Variants in SWI5 observed in about 807,000 individuals in gnomAD.
SWI5 encodes the protein SWI5 homologous recombination repair protein.
SWI5 carries 12 observed loss-of-function variants against 17.0 expected under a neutral mutation model. That is an observed-to-expected ratio of 0.71 (90% CI 0.45 to 1.14). SWI5 has a LOEUF of 1.14. Among genes scored for constraint, SWI5 ranks in the 50% most tolerant of loss-of-function variants. The pLI is 0.00. For missense variants in SWI5, 158 were observed against 162.2 expected (o/e 0.97, Z 0.14); for synonymous variants, 61 against 64.0 (o/e 0.95, Z 0.22).
At chr9:128,275,639 G>A (rs887876535), upstream of SWI5, 3 of 686,812 alleles carry the variant, frequency 4.4e-6, no homozygotes, top group African/African-American at 1.9e-5. Context: ...CGGGGGGCAG[G>A]AGGTGAGGGC....
intron 2 of SWI5, among the ~76,000 whole-genome samples, chr9:128,277,165 TC>T (rs1468104771): frequency 6.6e-6 from 1 of 152,126 alleles, no homozygotes; most frequent in African/African-American, 2.4e-5. Flanking sequence ...TAATAGTCTC[TC>T]CTCTTCGCTG....
At chr9:128,281,076 C>T (rs1282479132) in intron 2 of SWI5, among the ~76,000 whole-genome samples, 1 of 116,800 alleles carries the variant, frequency 8.6e-6, no homozygotes, top group Non-Finnish European at 1.6e-5. Flanking sequence ...CTCGCTCTGT[C>T]ACCCAGGCTG....
chr9:128,276,769 C>A lies in SWI5; in HGVS notation c.111+14C>A. 6.3e-7 allele frequency: 1 copy of A among 1,599,658 alleles called. No homozygotes were observed. Among genetic ancestry groups the A allele is most frequent in the East Asian group, 2.2e-5 (1 of 44,482 alleles). ...TTCCGATCCCCTGTGAGTATTTCTT[C>A]CCCCACACCCCCTTTCCCATCCTCG... On this transcript the variant is annotated intron_variant, in intron 2 of 4. Coordinates refer to ENST00000418976, the Ensembl canonical transcript of SWI5.
chr9:128,276,050 T>C, upstream of SWI5: 1 of 1,588,986 alleles, frequency 6.3e-7, no homozygotes, highest in South Asian at 1.1e-5. Context: ...AGAGGAGGCG[T>C]AACCAGGGCG....
At chr9:128,276,338 G>T (rs540264998) in exon 1 of SWI5, 1 of 1,613,146 alleles carries the variant, frequency 6.2e-7, no homozygotes, top group Non-Finnish European at 8.5e-7. Flanking sequence ...TCCGACTCCC[G>T]CGCTGGACCC....
At chr9:128,286,097 T>G in intron 4 of SWI5, 64 bp downstream of exon 4, 2 of 1,296,026 alleles carry the variant, frequency 1.5e-6, no homozygotes, top group Non-Finnish European at 2.2e-6. Context: ...CCTAGGGGTG[T>G]TGGGTTTTGC....
rs557112997 is a variant in SWI5, at chr9:128,279,586, C to T, written c.111+2831C>T. On this transcript the variant is annotated intron_variant, in intron 2 of 4. Coordinates refer to ENST00000418976, the Ensembl canonical transcript of SWI5. ...ATCAGAAAGATCAAAGACTTTAAGA[C>T]TTTCACTGTTTCTTCTACCACTATC... is the stretch of plus-strand genomic sequence containing the variant. Among the ~76,000 whole-genome samples, 6 of 152,360 alleles carry T rather than the reference C, an allele frequency of 3.9e-5. No homozygotes were observed. In the East Asian group the frequency reaches 9.6e-4, roughly 24 times the overall value.
chr9:128,287,341 A>T (rs1255937007), intron 4 of SWI5, among the ~76,000 whole-genome samples: 3 of 147,782 alleles, frequency 2.0e-5, no homozygotes, highest in South Asian at 4.4e-4. Context: ...GCTACTCAGG[A>T]GGCTGAGGCA....
upstream of SWI5, chr9:128,275,794 G>A: frequency 1.5e-6 from 1 of 678,772 alleles, no homozygotes; most frequent in Non-Finnish European, 2.5e-6. Flanking sequence ...GGGGAGCCCA[G>A]CCCGGTGTGC....
At chr9:128,275,625 A>C, upstream of SWI5, 2 of 691,470 alleles carry the variant, frequency 2.9e-6, no homozygotes, top group Non-Finnish European at 4.5e-6. Flanking sequence ...GGGAGGTCGG[A>C]CTTCGGGGGG....
intron 3 of SWI5, 22 bp downstream of exon 3, chr9:128,284,653 A>G (rs763222658): frequency 6.2e-7 from 1 of 1,611,080 alleles, no homozygotes; most frequent in Non-Finnish European, 8.5e-7. Flanking sequence ...TGGGTTCCCC[A>G]TCATGGTTAA....
rs985969700 is a variant in SWI5, at chr9:128,285,096, G to A, written c.233+465G>A. On this transcript the variant is annotated intron_variant, in intron 3 of 4. Transcript: ENST00000418976. This position sits in a 1 kb window ranked among gnomAD's most constrained non-coding sequence, Gnocchi z 4.8. The stretch of plus-strand genomic sequence containing the variant: ...GCAGGAGAATCGCTTGAACCTGGCA[G>A]GCAGAGGTTGCAGTGAGGCGAGATC... Among the ~76,000 whole-genome samples the A allele has an allele frequency of 6.6e-6, 1 of 152,126 alleles. No homozygotes were observed. Among genetic ancestry groups the A allele is most frequent in the African/African-American group, 2.4e-5 (1 of 41,406 alleles).
upstream of SWI5, chr9:128,276,159 G>C (rs750693445): frequency 6.4e-7 from 1 of 1,570,826 alleles, no homozygotes; most frequent in Non-Finnish European, 8.6e-7. Context: ...CAGCGGCGTG[G>C]CCAGAGGGAC....
At chr9:128,277,024 A>G (rs1230299414) in intron 2 of SWI5, among the ~76,000 whole-genome samples, 1 of 150,166 alleles carries the variant, frequency 6.7e-6, no homozygotes, top group East Asian at 2.0e-4. Flanking sequence ...GATGCCTTTC[A>G]CTCCAGTCCA....
chr9:128,279,188 C>G (rs543992022), intron 2 of SWI5, among the ~76,000 whole-genome samples: 42 of 152,308 alleles, frequency 2.8e-4, no homozygotes, highest in African/African-American at 9.6e-4. Flanking sequence ...TCCTTTGCTT[C>G]CTGCCACTCC....
At chr9:128,277,018 C>G (rs1461054602) in intron 2 of SWI5, among the ~76,000 whole-genome samples, 1 of 152,110 alleles carries the variant, frequency 6.6e-6, no homozygotes, top group African/African-American at 2.4e-5. Context: ...TCCTCAGATG[C>G]CTTTCACTCC....
chr9:128,275,404 C>A, upstream of SWI5: 1 of 1,287,744 alleles, frequency 7.8e-7, no homozygotes, highest in Non-Finnish European at 9.9e-7. Context: ...GTCGCCGCTC[C>A]GCGATGGGGG....
chr9:128,283,329 A>C (rs1273823052), intron 2 of SWI5, among the ~76,000 whole-genome samples: 1 of 152,090 alleles, frequency 6.6e-6, no homozygotes, highest in East Asian at 1.9e-4. Context: ...TTTTAAAAAA[A>C]AGTACAAAAA....
chr9:128,287,845 GC>G, intron 4 of SWI5, among the ~76,000 whole-genome samples: 1 of 151,630 alleles, frequency 6.6e-6, no homozygotes, highest in East Asian at 1.9e-4. Flanking sequence ...TATAGGCTGA[GC>G]CACCGCACCT....
Sources: gnomAD v4.1 joint callset for allele counts (sites outside exome capture counted in the v4.1 genomes callset) on GRCh38, gnomAD v4.1.1 for gene constraint, Gnocchi (gnomAD v3.1) non-coding constraint, MANE v1.5 for transcripts, NCBI Gene and HGNC (gene_info 2026-07-23, HGNC 2026-07-21) for gene names.